The following PDIA2 variants were observed in gnomAD, a reference collection of about 807,000 sequenced individuals.
PDIA2 encodes protein disulfide isomerase family A member 2, also known as protein disulfide-isomerase A2.
Under a neutral mutation model 51.1 loss-of-function variants are expected in PDIA2, and 76 were observed. The ratio of observed to expected loss-of-function variants is 1.49; its 90% CI spans 1.24 to 1.80. The LOEUF is 1.80. Among genes scored for constraint, PDIA2 ranks in the 40% most tolerant of loss-of-function variants. The pLI is 0.00. For synonymous variants in PDIA2, 429 were observed against 309.9 expected (o/e 1.38, Z -4.04); for missense variants, 946 against 706.5 (o/e 1.34, Z -3.84).
At position 284,981 on chromosome 16, in the gene PDIA2, G is replaced by T. The variant is rs2052334098; in HGVS notation, c.644G>T (p.Gly215Val). The T allele has an allele frequency of 1.9e-6, 3 of 1,613,424 alleles. No homozygotes were observed. The African/African-American group carries it at 4.0e-5, about 21-fold the overall frequency. The change falls in exon 4 of 11, where the codon GGC (glycine) becomes GTC (valine). Residue 215 changes from glycine to valine, a missense_variant. Physicochemically the swap from Gly to Val is moderately radical, Grantham distance 109 (BLOSUM62 -3). Transcript: ENST00000219406. ...CGGCCGCGGCTCTTTCAGCAGTTTG[G>T]CCTCACCAAGGACACTGTGGTTCTC... ...TDRPRLFQQF[G>V]LTKDTVVLFK... is the part of the protein sequence containing the mutation.
In PDIA2 at chr16:285,401, G is replaced by C; in HGVS notation, c.885G>C (p.Ala295=). The C allele has an allele frequency of 6.2e-7, 1 of 1,612,268 alleles. No individual in the cohort carries two copies. The highest frequency in any genetic ancestry group is 8.5e-7 in the Non-Finnish European group (1 of 1,179,676). The part of the protein sequence containing the change: ...QTLAAHRELL[A]GFGEAAPRFR... ...TGGCTGCGCACCGGGAGCTCCTAGC[G>C]GGCTTTGGGGAGGCAGCTCCCCGCT... is the stretch of plus-strand genomic sequence containing the variant. The change falls in exon 6 of 11, where the codon GCG becomes GCC. Residue 295 remains alanine, a synonymous_variant. Coordinates refer to ENST00000219406, the MANE Select transcript of PDIA2 (RefSeq NM_006849.4).
At position 285,006 on chromosome 16, in the gene PDIA2, C is replaced by T; in HGVS notation, c.669C>T (p.Leu223=). Residue 223 remains leucine (L), a synonymous_variant, in exon 4 of 11, where the codon CTC becomes CTT. Transcript: ENST00000219406. The part of the protein sequence containing the change: ...QFGLTKDTVV[L]FKKFDEGRAD... The stretch of plus-strand genomic sequence containing the variant: ...GCCTCACCAAGGACACTGTGGTTCT[C>T]TTCAAGAAGGTAGGTCAGGCCCAGG... The T allele has an allele frequency of 6.2e-7, 1 of 1,613,350 alleles. No individual in the cohort carries two copies. Among genetic ancestry groups the T allele is most frequent in the Non-Finnish European group, 8.5e-7 (1 of 1,180,022 alleles).
chr16:284,805 G>A lies in PDIA2; in HGVS notation c.540+13G>A, dbSNP rs1212699851. ...TGGCTTCTTCCAGGTGAGCCACTGG[G>A]CATGGGGGGCCGGGCCATGAGGGCA... is the stretch of plus-strand genomic sequence containing the variant. On this transcript the variant is annotated intron_variant, in intron 3 of 10. Coordinates refer to ENST00000219406, the MANE Select transcript of PDIA2 (RefSeq NM_006849.4). The A allele has an allele frequency of 1.3e-6, 2 of 1,585,084 alleles. No individual in the cohort carries two copies. The highest frequency in any genetic ancestry group is 1.1e-5 in the South Asian group (1 of 87,374).
Position 286,151 on chromosome 16 carries a change from C to T in PDIA2, c.1120-202C>T, listed in dbSNP as rs1156730414. On this transcript the variant is annotated intron_variant, in intron 7 of 10. Coordinates refer to ENST00000219406, the MANE Select transcript of PDIA2 (RefSeq NM_006849.4). ...GTTCTCCCAAACTTGAAGAGGACCT[C>T]CCTGTCAGGCCCTGCAGAGGATCTC... is the stretch of plus-strand genomic sequence containing the variant. Among the ~76,000 whole-genome samples, 99 of 71,282 alleles carry T rather than the reference C, an allele frequency of 1.4e-3. 1 individual carries two copies. Among genetic ancestry groups the T allele is most frequent in the Non-Finnish European group, 2.4e-3 (80 of 32,818 alleles). 46.8% of individuals were successfully genotyped at this position (71,282 alleles called of 152,430 possible).
At position 286,908 on chromosome 16, in the gene PDIA2, C is replaced by T. The variant is rs373732401; in HGVS notation, c.1496C>T (p.Thr499Met). 183 of 1,601,360 alleles carry T rather than the reference C, an allele frequency of 1.1e-4. No individual in the cohort carries two copies. In the Admixed American group the frequency reaches 1.5e-3, roughly 13 times the overall value. Residue 499 changes from threonine to methionine, a missense_variant, in exon 10 of 11, where the codon ACG becomes ATG. Physicochemically the swap from Thr to Met is moderately conservative, Grantham distance 81 (BLOSUM62 -1). Coordinates refer to ENST00000219406, the MANE Select transcript of PDIA2 (RefSeq NM_006849.4). The stretch of plus-strand genomic sequence containing the variant: ...CTGGACAACGGGGGCGTGCTGCCCA[C>T]GGAGGAGCCCCCGGAGGAGCCAGCA... ...KFLDNGGVLP[T>M]EEPPEEPAAP...
At chr16:286,781 C>G in intron 9 of PDIA2, 46 bp downstream of exon 9, 1 of 1,612,274 alleles carries the variant, frequency 6.2e-7, no homozygotes, top group Non-Finnish European at 8.5e-7. Context: ...TGCCATCTTG[C>G]TGGGCATGGG....
chr16:284,192 C>G (rs555767679), intron 1 of PDIA2, 195 bp from the exon 2 acceptor site: 1 of 625,626 alleles, frequency 1.6e-6, no homozygotes, highest in Non-Finnish European at 2.8e-6. Context: ...GGTGGTCTTT[C>G]AAGCTCTCCC....
chr16:283,800 G>A (rs1402536733), intron 1 of PDIA2, among the ~76,000 whole-genome samples: 7 of 152,184 alleles, frequency 4.6e-5, no homozygotes, highest in African/African-American at 1.7e-4. Flanking sequence ...TGCCTAGGAG[G>A]CCTTCACAGG....
chr16:286,753 C>T lies in PDIA2; in HGVS notation c.1422+18C>T. On this transcript the variant is annotated intron_variant, in intron 9 of 10. Coordinates refer to ENST00000219406, the MANE Select transcript of PDIA2 (RefSeq NM_006849.4). Reference sequence around the variant, plus strand: ...GTCGGAAGGTATGGCGGACAGGTGGCTGGGGAGGAAGCCGGGGTGCCATCT... The same window carrying T: ...GTCGGAAGGTATGGCGGACAGGTGGTTGGGGAGGAAGCCGGGGTGCCATCT... The T allele has an allele frequency of 1.2e-6, 2 of 1,612,734 alleles. No individual in the cohort carries two copies. The highest frequency in any genetic ancestry group is 1.1e-5 in the South Asian group (1 of 91,066).
chr16:285,870 C>T (rs904597632), intron 7 of PDIA2, among the ~76,000 whole-genome samples, 167 bp downstream of exon 7: 5 of 147,788 alleles, frequency 3.4e-5, no homozygotes, highest in Non-Finnish European at 7.5e-5. Context: ...AACCCCAACC[C>T]GGCGGTTCTC....
At chr16:286,282 C>G in intron 7 of PDIA2, 71 bp from the exon 8 acceptor site, 2 of 1,193,514 alleles carry the variant, frequency 1.7e-6, no homozygotes, top group East Asian at 3.1e-5. Flanking sequence ...CCCCACCCCC[C>G]AGGCCCTGCA....
In PDIA2 at chr16:285,591, T is replaced by A. The variant is rs1596943967; in HGVS notation, c.1007T>A (p.Leu336Gln). 3 of 1,613,304 alleles carry A rather than the reference T, an allele frequency of 1.9e-6. No homozygotes were observed. Among genetic ancestry groups the A allele is most frequent in the Non-Finnish European group, 2.5e-6 (3 of 1,179,962 alleles). Residue 336 changes from leucine to glutamine, a missense_variant, in exon 7 of 11, where the codon CTG becomes CAG. Coordinates refer to ENST00000219406, the MANE Select transcript of PDIA2 (RefSeq NM_006849.4). The stretch of plus-strand genomic sequence containing the variant: ...CTCAAGGCTGAGGCAGCCCCCACTC[T>A]GCGCTTGGTCAACCTTGAAACCACT... ...FGLKAEAAPT[L>Q]RLVNLETTKK...
At position 286,880 on chromosome 16, in the gene PDIA2, T is replaced by A. The variant is rs2052390782; in HGVS notation, c.1468T>A (p.Phe490Ile). ...CAGGGACCTGGAGACTTTCTCCAAG[T>A]TCCTGGACAACGGGGGCGTGCTGCC... Reference protein sequence around the residue: ...STRDLETFSKFLDNGGVLPTE... With the variant: ...STRDLETFSKILDNGGVLPTE... Residue 490 changes from phenylalanine to isoleucine, a missense_variant, in exon 10 of 11, where the codon TTC becomes ATC. Phe to Ile is a conservative substitution (Grantham distance 21). Transcript: ENST00000219406. 6.2e-7 allele frequency: 1 copy of A among 1,606,372 alleles called. No homozygotes were observed. The highest frequency in any genetic ancestry group is 8.5e-7 in the Non-Finnish European group (1 of 1,177,746).
intron 1 of PDIA2, chr16:284,032 T>G: frequency 3.0e-6 from 1 of 335,044 alleles, no homozygotes; most frequent in Non-Finnish European, 5.8e-6. Context: ...TCCCGGCTAA[T>G]ATTTTTTGTA....
At position 284,733 on chromosome 16, in the gene PDIA2, G is replaced by A. The variant is rs766634062; in HGVS notation, c.481G>A (p.Glu161Lys). ...VGPSAMRLEDEAAAQALIGGR... is the reference protein window; with the variant it reads ...VGPSAMRLEDKAAAQALIGGR... ...GCCCAGTGCCATGCGGCTGGAGGAC[G>A]AGGCGGCCGCCCAGGCGCTGATCGG... Residue 161 changes from glutamate to lysine, a missense_variant, in exon 3 of 11, where the codon GAG (glutamate) becomes AAG (lysine). Transcript: ENST00000219406. 31 of 1,563,548 alleles carry A rather than the reference G, an allele frequency of 2.0e-5. No individual in the cohort carries two copies. Among genetic ancestry groups the A allele is most frequent in the African/African-American group, 6.7e-5 (5 of 74,348 alleles).
At chr16:286,308 C>T (rs375662983) in intron 7 of PDIA2, 45 bp from the exon 8 acceptor site, 13 of 1,552,980 alleles carry the variant, frequency 8.4e-6, no homozygotes, top group Non-Finnish European at 1.0e-5. Flanking sequence ...CCTCCTGAAC[C>T]CTGCAGAGGA....
chr16:284,614 T>A (rs998197733), intron 2 of PDIA2, 21 bp downstream of exon 2: 26 of 1,589,722 alleles, frequency 1.6e-5, no homozygotes, highest in Non-Finnish European at 2.2e-5. Context: ...GGCCGGTCAT[T>A]GGGGGGGCGG....
At position 287,184 on chromosome 16, in the gene PDIA2, C is replaced by T; in HGVS notation, c.*71C>T. On this transcript the variant is annotated 3_prime_UTR_variant, in exon 11 of 11. Transcript: ENST00000219406. ...CCCTTGGGTACCAGAGGGAGCTGTG[C>T]ATTGTGAATAAAGAGTGAGCTTGGT... The T allele has an allele frequency of 1.3e-6, 2 of 1,583,388 alleles. No homozygotes were observed. The highest frequency in any genetic ancestry group is 2.7e-5 in the African/African-American group (2 of 74,412).
chr16:285,812 C>G (rs2052350157), intron 7 of PDIA2, 109 bp downstream of exon 7: 2 of 1,239,672 alleles, frequency 1.6e-6, no homozygotes, highest in Middle Eastern at 2.7e-4. Context: ...GCAGGCCCCG[C>G]AGAGGCCCCC....
Sources: allele counts gnomAD v4.1 joint callset (sites outside exome capture counted in the v4.1 genomes callset), GRCh38; gene constraint gnomAD v4.1.1; transcripts MANE v1.5; gene names NCBI Gene and HGNC (gene_info 2026-07-23, HGNC 2026-07-21).